Variants in PLXNA4 observed in about 807,000 individuals in gnomAD.
The protein encoded by PLXNA4 is plexin-A4.
In PLXNA4, 44 loss-of-function variants were observed where a neutral mutation model predicts 191.8. The observed-to-expected ratio is 0.23, with a 90% CI of 0.18 to 0.29. The LOEUF is 0.29. PLXNA4 is among the 10% of genes least tolerant of loss of function. PLXNA4 has a pLI of 1.00. For missense variants in PLXNA4, 1,800 were observed against 2,488.8 expected (o/e 0.72, Z 5.89); for synonymous variants, 1,082 against 1,009.5 (o/e 1.07, Z -1.36).
intron 3 of PLXNA4, among the ~76,000 whole-genome samples, chr7:132,434,195 C>G (rs1262036676): frequency 6.6e-6 from 1 of 152,212 alleles, no homozygotes; most frequent in Non-Finnish European, 1.5e-5. Flanking sequence ...CCCCAGTGCC[C>G]TCACTGGCAT....
chr7:132,583,318 G>A (rs779429606), intron 2 of PLXNA4, among the ~76,000 whole-genome samples: 8 of 152,204 alleles, frequency 5.3e-5, no homozygotes, highest in Non-Finnish European at 8.8e-5. Flanking sequence ...CCACAGGGCA[G>A]GAGGGAGGCC....
intron 9 of PLXNA4, among the ~76,000 whole-genome samples, chr7:132,212,073 A>G (rs1259755849): frequency 6.6e-6 from 1 of 152,178 alleles, no homozygotes; most frequent in African/African-American, 2.4e-5. Context: ...TAACACAAGC[A>G]TGGCCTGGGC....
chr7:132,209,722 G>A (rs757239598), intron 10 of PLXNA4, among the ~76,000 whole-genome samples: 5 of 152,084 alleles, frequency 3.3e-5, no homozygotes, highest in Admixed American at 6.5e-5. Flanking sequence ...AGTGTCCCAC[G>A]AAATCCTTTG....
At chr7:132,294,461 G>A (rs945571624) in intron 4 of PLXNA4, among the ~76,000 whole-genome samples, 2 of 152,182 alleles carry the variant, frequency 1.3e-5, no homozygotes, top group Non-Finnish European at 2.9e-5. Flanking sequence ...TCATTGAAAG[G>A]ATTTAAACGG....
chr7:132,162,627 T>C (rs1351794025), intron 24 of PLXNA4, among the ~76,000 whole-genome samples: 2 of 152,146 alleles, frequency 1.3e-5, no homozygotes, highest in Non-Finnish European at 2.9e-5. Flanking sequence ...TTCAGGTCTC[T>C]ATTTTTGGAA....
chr7:132,470,092 T>A (rs904649793), intron 3 of PLXNA4, among the ~76,000 whole-genome samples: 7 of 152,204 alleles, frequency 4.6e-5, no homozygotes, highest in African/African-American at 1.7e-4. Context: ...TCTCAAAAGT[T>A]TTTTATGCCC....
intron 4 of PLXNA4, among the ~76,000 whole-genome samples, chr7:132,286,183 T>C (rs1022784764): frequency 2.6e-5 from 4 of 152,206 alleles, no homozygotes; most frequent in Non-Finnish European, 5.9e-5. Flanking sequence ...CTGCAGAGCT[T>C]CCAGAACAAG....
intron 1 of PLXNA4, among the ~76,000 whole-genome samples, chr7:132,568,190 T>C (rs1801819602): frequency 6.6e-6 from 1 of 152,214 alleles, no homozygotes; most frequent in Non-Finnish European, 1.5e-5. Context: ...GCTTTCATTA[T>C]TTCTTAAAAC....
intron 4 of PLXNA4, among the ~76,000 whole-genome samples, chr7:132,267,659 A>G (rs905433857): frequency 6.6e-6 from 1 of 152,332 alleles, no homozygotes; most frequent in Non-Finnish European, 1.5e-5. Flanking sequence ...GGCTTCTTAT[A>G]TGATATGGAA....
At chr7:132,555,117 C>T (rs1161029343) in intron 1 of PLXNA4, among the ~76,000 whole-genome samples, 1 of 150,324 alleles carries the variant, frequency 6.7e-6, no homozygotes, top group Non-Finnish European at 1.5e-5. Context: ...TCTAAGATAT[C>T]ACTCCAGGTC....
intron 2 of PLXNA4, among the ~76,000 whole-genome samples, chr7:132,497,124 A>ACG (rs1175894759): frequency 1.3e-5 from 2 of 150,494 alleles, no homozygotes; most frequent in Admixed American, 6.6e-5. Flanking sequence ...GCACGCACGC[A>ACG]CACACACACA....
At chr7:132,196,206 G>C (rs1797249455) in intron 13 of PLXNA4, among the ~76,000 whole-genome samples, 2 of 152,362 alleles carry the variant, frequency 1.3e-5, no homozygotes, top group East Asian at 3.9e-4. Context: ...CAGTAAGTAA[G>C]TGGCAGAGCC....
Position 132,145,947 on chromosome 7 carries a change from G to A in PLXNA4, c.5055+563C>T, listed in dbSNP as rs138487385. The stretch of plus-strand genomic sequence containing the variant: ...AAAAAAAAAAAAAAATTAGCCAGGC[G>A]TGGTGGTGCATGCTTGTAGTTTCAG... On this transcript the variant is annotated intron_variant, in intron 28 of 31. Coordinates refer to ENST00000321063, the MANE Select transcript of PLXNA4 (RefSeq NM_020911.2). Among the ~76,000 whole-genome samples the A allele has an allele frequency of 4.6e-4, 68 of 149,314 alleles. 1 individual carries two copies. In the East Asian group the frequency reaches 0.011, roughly 24 times the overall value.
At chr7:132,628,824 T>C (rs1055193880) in intron 2 of PLXNA4, among the ~76,000 whole-genome samples, 1 of 152,236 alleles carries the variant, frequency 6.6e-6, no homozygotes, top group African/African-American at 2.4e-5. Context: ...CTGTCTTACA[T>C]CTCAAAGCAT....
intron 2 of PLXNA4, among the ~76,000 whole-genome samples, chr7:132,595,668 C>T (rs1279228949): frequency 6.6e-6 from 1 of 152,208 alleles, no homozygotes; most frequent in Non-Finnish European, 1.5e-5. Flanking sequence ...TCAGTCAGTA[C>T]ATTGGTGACC....
intron 1 of PLXNA4, among the ~76,000 whole-genome samples, chr7:132,573,044 T>A (rs1316178296): frequency 6.9e-6 from 1 of 145,876 alleles, no homozygotes; most frequent in Non-Finnish European, 1.5e-5. Context: ...GGCTGGCGGA[T>A]GTGCGCACAA....
Position 132,202,693 on chromosome 7 carries a change from C to A in PLXNA4, c.2539G>T (p.Glu847Ter). The change falls in exon 12 of 32, where the codon GAG becomes TAG. Residue 847 changes from glutamate to a stop codon, truncating the protein, a stop_gained. Transcript: ENST00000321063. LOFTEE classifies it high-confidence loss of function. ...CACTTGCTTTTGGCACCAGACAGCTCCAGCCACTGGCTCTCCTGGGCAGGG... is the reference window on the plus strand; with the variant it reads ...CACTTGCTTTTGGCACCAGACAGCTACAGCCACTGGCTCTCCTGGGCAGGG... ...HCPAQESQWL[E>*]LSGAKSKCTN... is the part of the protein sequence containing the mutation. 6.3e-7 allele frequency: 1 copy of A among 1,582,482 alleles called. No homozygotes were observed. Among genetic ancestry groups the A allele is most frequent in the Admixed American group, 1.8e-5 (1 of 55,716 alleles).
chr7:132,439,525 A>C (rs3752711), intron 3 of PLXNA4, among the ~76,000 whole-genome samples: 112,680 of 152,084 alleles, frequency 0.74, 45,470 homozygotes, highest in Non-Finnish European at 0.91. Flanking sequence ...TACACATACA[A>C]TGTGTATATC....
intron 1 of PLXNA4, among the ~76,000 whole-genome samples, chr7:132,572,413 G>A (rs1007907501): frequency 1.3e-5 from 2 of 152,228 alleles, no homozygotes; most frequent in Non-Finnish European, 2.9e-5. Flanking sequence ...ACTGAAGCCA[G>A]TACTAACATC....
Sources: gnomAD v4.1 joint callset for allele counts (sites outside exome capture counted in the v4.1 genomes callset) on GRCh38, gnomAD v4.1.1 for gene constraint, MANE v1.5 for transcripts, NCBI Gene and HGNC (gene_info 2026-07-23, HGNC 2026-07-21) for gene names.